The following MIA2 variants were observed in gnomAD, a reference collection of about 807,000 sequenced individuals.
MIA2 encodes the protein MIA SH3 domain ER export factor 2, also known as melanoma inhibitory activity protein 2.
MIA2 carries 127 observed loss-of-function variants against 167.8 expected under a neutral mutation model. The ratio of observed to expected loss-of-function variants is 0.76; its 90% CI spans 0.66 to 0.88. The LOEUF is 0.88. Ranked by LOEUF, MIA2 falls within the 40% of genes least tolerant of loss-of-function variation. MIA2 has a pLI of 0.00. For synonymous variants in MIA2, 552 were observed against 541.9 expected (o/e 1.02, Z -0.26); for missense variants, 1,690 against 1,624.7 (o/e 1.04, Z -0.69).
At chr14:39,373,550 G>C (rs1429099788) in intron 23 of MIA2, among the ~76,000 whole-genome samples, 1 of 152,218 alleles carries the variant, frequency 6.6e-6, no homozygotes, top group Admixed American at 6.5e-5. Context: ...GGCTAGGCGT[G>C]GTGGTTCACG....
rs2055837260 is a variant in MIA2 at position 39,266,991 on chromosome 14, T to C, written c.1888-9943T>C. 15 of 813,964 alleles carry C rather than the reference T, an allele frequency of 1.8e-5. No homozygotes were observed. In the South Asian group the frequency reaches 4.8e-4, roughly 26 times the overall value. The allele number at this position is 813,964 out of a possible 1,614,324, so 50.4% of individuals were successfully genotyped here. ...GCGCGGAGTATGAGGCCGAATCTCA[T>C]CCTCTAGTCCCAAGCCTCTCCACTA... On this transcript the variant is annotated intron_variant, in intron 6 of 28. Coordinates refer to ENST00000640607, the MANE Select transcript of MIA2 (RefSeq NM_001329214.4).
intron 24 of MIA2, among the ~76,000 whole-genome samples, chr14:39,322,952 A>T (rs2066743167): frequency 1.3e-5 from 2 of 152,222 alleles, no homozygotes; most frequent in Admixed American, 1.3e-4. Context: ...AAAGTAATGA[A>T]TCTAAATAAA....
chr14:39,350,057 C>CT, intron 28 of MIA2, 41 bp from the exon 29 acceptor site: 1 of 808,304 alleles, frequency 1.2e-6, no homozygotes, highest in Non-Finnish European at 2.0e-6. Flanking sequence ...AGTACAGGTT[C>CT]TTAAAGTTAA....
chr14:39,281,164 A>G (rs575347127), intron 9 of MIA2, among the ~76,000 whole-genome samples: 5 of 152,062 alleles, frequency 3.3e-5, no homozygotes, highest in Middle Eastern at 3.4e-3. Flanking sequence ...GGTTCAAGCA[A>G]TCCTCCCGTC....
intron 23 of MIA2, among the ~76,000 whole-genome samples, chr14:39,375,891 ATTG>A (rs1483548573): frequency 2.6e-5 from 4 of 152,338 alleles, no homozygotes; most frequent in Non-Finnish European, 5.9e-5. Flanking sequence ...AAAGCAGGAT[ATTG>A]TTATTTTAGT....
At chr14:39,264,188 G>A (rs945936592) in intron 6 of MIA2, among the ~76,000 whole-genome samples, 1 of 152,156 alleles carries the variant, frequency 6.6e-6, no homozygotes, top group Admixed American at 6.5e-5. Context: ...TTATAAGTGA[G>A]AACATGTGAT....
At chr14:39,385,762 T>C in intron 23 of MIA2, 1 of 877,054 alleles carries the variant, frequency 1.1e-6, no homozygotes, top group Non-Finnish European at 2.0e-6. Context: ...AGTAGATGAA[T>C]TTGTTACCAG....
At chr14:39,288,683 G>GA (rs1364347387) in intron 9 of MIA2, among the ~76,000 whole-genome samples, 1 of 150,414 alleles carries the variant, frequency 6.6e-6, no homozygotes, top group Non-Finnish European at 1.5e-5. Flanking sequence ...GGATGGTCTG[G>GA]AACTCCTGAC....
chr14:39,336,772 G>T (rs2070512127), intron 25 of MIA2, among the ~76,000 whole-genome samples: 1 of 152,046 alleles, frequency 6.6e-6, no homozygotes, highest in South Asian at 2.1e-4. Flanking sequence ...TTAGAGACAG[G>T]TTCTCACTTT....
At chr14:39,284,845 A>C (rs923468860) in intron 9 of MIA2, among the ~76,000 whole-genome samples, 30 of 151,918 alleles carry the variant, frequency 2.0e-4, no homozygotes, top group Non-Finnish European at 4.3e-4. Context: ...GAAGGTCAGC[A>C]GATAAACAAG....
At chr14:39,309,137 A>G (rs1473441564) in intron 18 of MIA2, among the ~76,000 whole-genome samples, 1 of 152,116 alleles carries the variant, frequency 6.6e-6, no homozygotes, top group African/African-American at 2.4e-5. Context: ...CTTCCATATT[A>G]GTCTAGTCCA....
chr14:39,250,327 G>T (rs1172763788), intron 4 of MIA2, among the ~76,000 whole-genome samples: 2 of 152,146 alleles, frequency 1.3e-5, no homozygotes, highest in African/African-American at 4.8e-5. Context: ...CAGCTACTTG[G>T]GAGGCTGAGG....
intron 25 of MIA2, 131 bp downstream of exon 25, chr14:39,327,153 C>A: frequency 1.7e-6 from 1 of 601,356 alleles, no homozygotes; most frequent in Non-Finnish European, 2.5e-6. Context: ...TTGAAAACAA[C>A]AATGATAAAT....
intron 23 of MIA2, among the ~76,000 whole-genome samples, chr14:39,357,724 A>C (rs534044457): frequency 1.3e-5 from 2 of 152,180 alleles, no homozygotes; most frequent in African/African-American, 4.8e-5. Context: ...TGCTTCCTTC[A>C]GGAGCTCCCG....
chr14:39,309,925 A>G (rs577601193), intron 18 of MIA2, among the ~76,000 whole-genome samples: 1 of 143,750 alleles, frequency 7.0e-6, no homozygotes, highest in African/African-American at 2.6e-5. Context: ...CTAGATTTTC[A>G]AATAGTGCCA....
At position 39,324,951 on chromosome 14, in the gene MIA2, A is replaced by G. The variant is rs1374100956; in HGVS notation, c.3497-1913A>G. On this transcript the variant is annotated intron_variant, in intron 24 of 28. Transcript: ENST00000640607. The stretch of plus-strand genomic sequence containing the variant: ...TGAAAAAAAATTGTTCACTGGGTGC[A>G]GTGGCTTACAACTATAATCCTAGTA... Among the ~76,000 whole-genome samples the G allele has an allele frequency of 2.6e-5, 4 of 152,296 alleles. No individual in the cohort carries two copies. In the East Asian group the frequency reaches 5.8e-4, roughly 22 times the overall value.
intron 25 of MIA2, among the ~76,000 whole-genome samples, chr14:39,333,371 G>A (rs10149352): frequency 0.26 from 38,874 of 152,084 alleles, 5,244 homozygotes; most frequent in East Asian, 0.5. Flanking sequence ...TATTAGTTCA[G>A]TTATTTTTGC....
chr14:39,380,847 A>C (rs2075143600), intron 23 of MIA2, among the ~76,000 whole-genome samples: 1 of 152,076 alleles, frequency 6.6e-6, no homozygotes, highest in Admixed American at 6.5e-5. Context: ...GCCCACACTG[A>C]AACCCTGGTT....
intron 25 of MIA2, among the ~76,000 whole-genome samples, chr14:39,344,911 T>C (rs578046804): frequency 7.2e-5 from 11 of 152,234 alleles, no homozygotes; most frequent in African/African-American, 2.6e-4. Context: ...CCTAATACCA[T>C]ATTGTCATCA....
Sources: gnomAD v4.1 joint callset for allele counts (sites outside exome capture counted in the v4.1 genomes callset) on GRCh38, gnomAD v4.1.1 for gene constraint, MANE v1.5 for transcripts, NCBI Gene and HGNC (gene_info 2026-07-23, HGNC 2026-07-21) for gene names.